Variants in ZNF385D observed in about 807,000 individuals in gnomAD.
ZNF385D encodes zinc finger protein 659.
Under a neutral mutation model 35.8 loss-of-function variants are expected in ZNF385D, and 15 were observed. That is an observed-to-expected ratio of 0.42 (90% CI 0.28 to 0.64). The LOEUF is 0.64. Ranked by LOEUF, ZNF385D falls within the 30% of genes least tolerant of loss-of-function variation. The probability of loss-of-function intolerance (pLI) is 0.23; values close to 1 mark genes in which losing one functional copy is unlikely to be tolerated. For missense variants in ZNF385D, 474 were observed against 494.6 expected (o/e 0.96, Z 0.39); for synonymous variants, 212 against 186.8 (o/e 1.13, Z -1.10).
In ZNF385D at chr3:21,991,958, C is replaced by A. The variant is rs139500897; in HGVS notation, c.325+176859G>T. Among the ~76,000 whole-genome samples, 781 of 152,286 alleles carry A rather than the reference C, an allele frequency of 5.1e-3. 9 individuals are homozygous for A. Among genetic ancestry groups the A allele is most frequent in the African/African-American group, 0.018 (747 of 41,560 alleles). ...GCACTCCATGGCCAGACCACCTGGG[C>A]TTAAATCTTGGCTTATCTACTATCT... On this transcript the variant is annotated intron_variant, in intron 3 of 5. Transcript: ENST00000494108.
At chr3:21,942,160 G>A (rs554504821) in intron 3 of ZNF385D, among the ~76,000 whole-genome samples, 27 of 152,190 alleles carry the variant, frequency 1.8e-4, no homozygotes, top group Non-Finnish European at 2.6e-4. Flanking sequence ...ATTTTATAGC[G>A]TAATTTTTAA....
At chr3:21,553,068 C>T (rs1444771373) in intron 3 of ZNF385D, among the ~76,000 whole-genome samples, 1 of 151,982 alleles carries the variant, frequency 6.6e-6, no homozygotes, top group Non-Finnish European at 1.5e-5. Flanking sequence ...AATGGGGTCA[C>T]AAGTCAAGGA....
At chr3:22,130,708 A>G (rs1703734617) in intron 3 of ZNF385D, among the ~76,000 whole-genome samples, 1 of 152,076 alleles carries the variant, frequency 6.6e-6, no homozygotes, top group Non-Finnish European at 1.5e-5. Context: ...GGTGTAGACA[A>G]TTCAAGACTG....
intron 2 of ZNF385D, among the ~76,000 whole-genome samples, chr3:22,202,163 A>G (rs1696840789): frequency 6.6e-6 from 1 of 152,096 alleles, no homozygotes; most frequent in Non-Finnish European, 1.5e-5. Flanking sequence ...GTTAACTATT[A>G]CTATCTTACT....
chr3:22,012,517 G>C (rs1014254672), intron 3 of ZNF385D, among the ~76,000 whole-genome samples: 4 of 152,000 alleles, frequency 2.6e-5, no homozygotes, highest in African/African-American at 4.8e-5. Flanking sequence ...CTATATTGAG[G>C]AATTTTAAAG....
At chr3:22,131,266 A>C (rs1417042361) in intron 3 of ZNF385D, among the ~76,000 whole-genome samples, 2 of 152,152 alleles carry the variant, frequency 1.3e-5, no homozygotes, top group African/African-American at 4.8e-5. Context: ...TAAGATGAGG[A>C]CTGAGCTGAC....
At chr3:21,684,398 CTCTCT>C in intron 1 of ZNF385D, among the ~76,000 whole-genome samples, 1 of 82,804 alleles carries the variant, frequency 1.2e-5, no homozygotes. Flanking sequence ...CTCTCTCTCT[CTCTCT>C]CCTCTCTCTC....
intron 4 of ZNF385D, among the ~76,000 whole-genome samples, chr3:21,483,491 A>T (rs1704797770): frequency 6.6e-6 from 1 of 152,164 alleles, no homozygotes; most frequent in African/African-American, 2.4e-5. Flanking sequence ...TGGCAAGTAT[A>T]TGTTTACTTT....
intron 3 of ZNF385D, among the ~76,000 whole-genome samples, chr3:21,756,323 T>C (rs2070338673): frequency 1.3e-5 from 2 of 152,124 alleles, no homozygotes. Flanking sequence ...AGTGGAGTAT[T>C]CACAATTTGA....
At chr3:22,216,699 C>A (rs977138144) in intron 2 of ZNF385D, among the ~76,000 whole-genome samples, 1 of 152,112 alleles carries the variant, frequency 6.6e-6, no homozygotes, top group African/African-American at 2.4e-5. Flanking sequence ...CTGCTTGCAG[C>A]TTACCAATAT....
intron 3 of ZNF385D, chr3:21,561,795 ATAG>A (rs1365255983): frequency 3.3e-5 from 5 of 149,940 alleles, no homozygotes; most frequent in Non-Finnish European, 7.4e-5. Context: ...AACAATCACA[ATAG>A]TAACATCAAA....
intron 3 of ZNF385D, among the ~76,000 whole-genome samples, chr3:21,832,071 G>A (rs1006805764): frequency 1.5e-5 from 1 of 65,640 alleles, no homozygotes; most frequent in East Asian, 4.8e-4. Context: ...TCTAGACAAT[G>A]TTGTTAAAAT....
intron 4 of ZNF385D, among the ~76,000 whole-genome samples, chr3:21,471,297 A>T (rs7622939): frequency 5.6e-3 from 70 of 12,580 alleles, no homozygotes; most frequent in Middle Eastern, 0.029. Flanking sequence ...TCTCTCTCTC[A>T]CACACACACA....
chr3:22,061,608 C>A (rs1326662244), intron 3 of ZNF385D, among the ~76,000 whole-genome samples: 1 of 152,196 alleles, frequency 6.6e-6, no homozygotes, highest in Non-Finnish European at 1.5e-5. Flanking sequence ...ACATGTCCAG[C>A]CCCATTTCTT....
In ZNF385D at chr3:21,750,904, T is replaced by A; in HGVS notation, c.13A>T (p.Met5Leu). 6.2e-7 allele frequency: 1 copy of A among 1,614,096 alleles called. No individual in the cohort carries two copies. Among genetic ancestry groups the A allele is most frequent in the Non-Finnish European group, 8.5e-7 (1 of 1,179,992 alleles). The change falls in exon 1 of 8, where the codon ATG becomes TTG. Residue 5 changes from methionine to leucine, a missense_variant. By Grantham distance (15) the Met-to-Leu change is conservative. Coordinates refer to ENST00000281523, the MANE Select transcript of ZNF385D (RefSeq NM_024697.3). The stretch of plus-strand genomic sequence containing the variant: ...CAGAGTGAACACTCACCAAAATACA[T>A]TATGTTTCTCATTAATCAGACAGCT... MRNIMYFGGTCQSPA... is the reference protein window; with the variant it reads MRNILYFGGTCQSPA...
At chr3:21,942,208 C>A (rs935226693) in intron 3 of ZNF385D, among the ~76,000 whole-genome samples, 6 of 152,150 alleles carry the variant, frequency 3.9e-5, no homozygotes, top group African/African-American at 1.4e-4. Flanking sequence ...TTAGAGAAAT[C>A]ATACCCACTT....
chr3:21,845,730 A>G (rs886579385), intron 3 of ZNF385D, among the ~76,000 whole-genome samples: 2 of 152,046 alleles, frequency 1.3e-5, no homozygotes, highest in African/African-American at 4.8e-5. Flanking sequence ...GAGAAGGCTT[A>G]AAAGTCTTGA....
At chr3:21,990,629 A>C (rs948262154) in intron 3 of ZNF385D, among the ~76,000 whole-genome samples, 1 of 152,232 alleles carries the variant, frequency 6.6e-6, no homozygotes, top group East Asian at 1.9e-4. Flanking sequence ...TAATAACTCT[A>C]TCTGGCACAG....
At chr3:21,665,991 A>G (rs2066394274) in intron 1 of ZNF385D, among the ~76,000 whole-genome samples, 1 of 152,226 alleles carries the variant, frequency 6.6e-6, no homozygotes, top group Non-Finnish European at 1.5e-5. Flanking sequence ...TGAGAATCCA[A>G]CAAGCATTAG....
Sources: allele counts gnomAD v4.1 joint callset (sites outside exome capture counted in the v4.1 genomes callset), GRCh38; gene constraint gnomAD v4.1.1; transcripts MANE v1.5; gene names NCBI Gene and HGNC (gene_info 2026-07-23, HGNC 2026-07-21).